CFDP1: variants seen among roughly 807,000 people sequenced by gnomAD.
CFDP1 encodes the protein heterochromatin-stabilizing protein CFDP1.
A neutral mutation model predicts 40.1 loss-of-function variants in CFDP1; 31 were observed. The ratio of observed to expected loss-of-function variants is 0.77; its 90% CI spans 0.58 to 1.04. CFDP1 has a LOEUF of 1.04. Among genes scored for constraint, CFDP1 ranks in the 50% least tolerant of loss-of-function variants. CFDP1 has a pLI of 0.00. For missense variants in CFDP1, 423 were observed against 343.4 expected, an observed-to-expected ratio of 1.23 and a Z score of -1.83; for synonymous variants, 167 against 120.0, an observed-to-expected ratio of 1.39 and a Z score of -2.56.
intron 5 of CFDP1, among the ~76,000 whole-genome samples, chr16:75,319,850 T>C (rs1317731083): frequency 6.6e-6 from 1 of 152,222 alleles, no homozygotes; most frequent in African/African-American, 2.4e-5. Context: ...GCATGAGCCC[T>C]AAGTGTCACT....
intron 5 of CFDP1, among the ~76,000 whole-genome samples, chr16:75,349,678 A>ATATATATATAT (rs1567653462): frequency 2.7e-3 from 16 of 5,906 alleles, no homozygotes; most frequent in Admixed American, 8.3e-3. Context: ...AAAAAAAAAA[A>ATATATATATAT]AAAAAAAAAA....
At chr16:75,361,192 G>A (rs1480632341) in intron 5 of CFDP1, among the ~76,000 whole-genome samples, 1 of 152,032 alleles carries the variant, frequency 6.6e-6, no homozygotes, top group Non-Finnish European at 1.5e-5. Flanking sequence ...GTATTTTTTA[G>A]TAGCGATGGG....
At chr16:75,297,381 G>A (rs977620424) in intron 6 of CFDP1, among the ~76,000 whole-genome samples, 5 of 152,238 alleles carry the variant, frequency 3.3e-5, no homozygotes, top group Admixed American at 2.6e-4. Flanking sequence ...CAGGGCAACC[G>A]GAACAGAGAC....
intron 5 of CFDP1, 164 bp from the exon 6 acceptor site, chr16:75,305,346 G>A: frequency 3.1e-6 from 2 of 649,738 alleles, no homozygotes; most frequent in Non-Finnish European, 5.2e-6. Context: ...AGCACTGTAA[G>A]TAAACTGGAA....
At chr16:75,431,270 G>T (rs1206796339) in intron 1 of CFDP1, among the ~76,000 whole-genome samples, 2 of 151,736 alleles carry the variant, frequency 1.3e-5, no homozygotes, top group Non-Finnish European at 2.9e-5. Flanking sequence ...TGGCCAACAT[G>T]GTGTAACTTC....
At chr16:75,345,184 C>T (rs2078553689) in intron 5 of CFDP1, among the ~76,000 whole-genome samples, 2 of 151,886 alleles carry the variant, frequency 1.3e-5, no homozygotes. Context: ...AGGCTGGGAG[C>T]AGTGGCTCAC....
intron 1 of CFDP1, among the ~76,000 whole-genome samples, chr16:75,431,877 A>G (rs1178890895): frequency 8.4e-6 from 1 of 118,924 alleles, no homozygotes; most frequent in Admixed American, 1.0e-4. Flanking sequence ...GGAATATTAA[A>G]TAAAATAGGG....
intron 5 of CFDP1, among the ~76,000 whole-genome samples, chr16:75,320,687 G>A (rs1201159806): frequency 6.6e-6 from 1 of 152,208 alleles, no homozygotes; most frequent in Non-Finnish European, 1.5e-5. Flanking sequence ...GGCTCAGCTG[G>A]TGACTCTGCA....
In CFDP1 at chr16:75,412,556, C is replaced by A. The variant is rs753633774; in HGVS notation, c.381G>T (p.Val127=). The A allele has an allele frequency of 3.7e-6, 6 of 1,614,006 alleles. No homozygotes were observed. Among genetic ancestry groups the A allele is most frequent in the Non-Finnish European group, 5.1e-6 (6 of 1,179,904 alleles). ...FLNDVGPKSK[V]PPSTQVKKGE... is the part of the protein sequence containing the mutation. The stretch of plus-strand genomic sequence containing the variant: ...TTACCTTAACTTGTGTACTTGGGGG[C>A]ACTTTTGATTTTGGTCCCACATCAT... Residue 127 remains valine, a synonymous_variant, in exon 3 of 7, where the codon GTG becomes GTT. Transcript: ENST00000283882.
chr16:75,306,686 A>G (rs969345909), intron 5 of CFDP1: 1 of 152,048 alleles, frequency 6.6e-6, no homozygotes, highest in Non-Finnish European at 1.5e-5. Flanking sequence ...ATCTCTCCCA[A>G]CTCTCAGGGT....
rs16960817 is a variant in CFDP1, at chr16:75,339,612, C to G, written c.651-34430G>C. 5.3e-3 allele frequency among the ~76,000 whole-genome samples: 804 copies of G among 152,316 alleles called. 8 individuals carry two copies. The highest frequency in any genetic ancestry group is 0.019 in the African/African-American group (780 of 41,560). On this transcript the variant is annotated intron_variant, in intron 5 of 6. Transcript: ENST00000283882. ...CAGGGGAAGGGCAGGATATGCAGGG[C>G]TTCTGGACTCTGACTTCCACCTTTA...
At chr16:75,323,433 CTT>C (rs398058379) in intron 5 of CFDP1, among the ~76,000 whole-genome samples, 9 of 142,222 alleles carry the variant, frequency 6.3e-5, no homozygotes, top group Admixed American at 1.4e-4. Flanking sequence ...TTTTACTTAA[CTT>C]TTTTTTTTTT....
At chr16:75,427,102 A>C (rs1001866821) in intron 1 of CFDP1, among the ~76,000 whole-genome samples, 1 of 152,074 alleles carries the variant, frequency 6.6e-6, no homozygotes, top group Non-Finnish European at 1.5e-5. Context: ...TCCAGAATAT[A>C]TAATTCCAAA....
At position 75,395,073 on chromosome 16, in the gene CFDP1, G is replaced by A; in HGVS notation, c.650+17C>T. ...CAACGTGCCAAGTACATCAGGGAGT[G>A]AGACTCAAATACTCACCCTGACCCG... On this transcript the variant is annotated intron_variant, in intron 5 of 6. Coordinates refer to ENST00000283882, the MANE Select transcript of CFDP1 (RefSeq NM_006324.3). 6.2e-7 allele frequency: 1 copy of A among 1,613,274 alleles called. No homozygotes were observed. The highest frequency in any genetic ancestry group is 8.5e-7 in the Non-Finnish European group (1 of 1,179,564).
chr16:75,325,545 C>T (rs902459530), intron 5 of CFDP1, among the ~76,000 whole-genome samples: 4 of 152,178 alleles, frequency 2.6e-5, no homozygotes, highest in Admixed American at 1.3e-4. Context: ...TAATGTATCC[C>T]ATAATTTATT....
At chr16:75,338,236 C>T (rs912968739) in intron 5 of CFDP1, among the ~76,000 whole-genome samples, 1 of 152,154 alleles carries the variant, frequency 6.6e-6, no homozygotes, top group Admixed American at 6.5e-5. Flanking sequence ...GAATGTGAAG[C>T]ATGGGGGGGA....
chr16:75,319,918 T>C (rs1470674842), intron 5 of CFDP1, among the ~76,000 whole-genome samples: 1 of 152,244 alleles, frequency 6.6e-6, no homozygotes, highest in African/African-American at 2.4e-5. Flanking sequence ...CGTAGTTTGA[T>C]ACTGAAAGCA....
At chr16:75,297,146 T>TTGTGTGTGTGTGTGTG (rs71158596) in intron 6 of CFDP1, among the ~76,000 whole-genome samples, 3 of 133,084 alleles carry the variant, frequency 2.3e-5, no homozygotes, top group East Asian at 2.2e-4. Context: ...TTCCCATTTC[T>TTGTGTGTGTGTGTGTG]TGTGTGTGTG....
At chr16:75,417,115 G>A (rs1158465590) in intron 1 of CFDP1, among the ~76,000 whole-genome samples, 1 of 152,088 alleles carries the variant, frequency 6.6e-6, no homozygotes, top group Non-Finnish European at 1.5e-5. Flanking sequence ...AGGCTGAAGT[G>A]AGCCATGAAC....
Sources: allele counts gnomAD v4.1 joint callset (sites outside exome capture counted in the v4.1 genomes callset), GRCh38; gene constraint gnomAD v4.1.1; transcripts MANE v1.5; gene names NCBI Gene and HGNC (gene_info 2026-07-23, HGNC 2026-07-21).